The following KLRG1 variants were observed in gnomAD, a reference collection of about 807,000 sequenced individuals.
KLRG1 encodes the protein killer cell lectin-like receptor subfamily G member 1.
A neutral mutation model predicts 21.8 loss-of-function variants in KLRG1; 16 were observed. That is an observed-to-expected ratio of 0.73 (90% CI 0.50 to 1.11). The LOEUF (loss-of-function observed/expected upper bound fraction) is 1.11, where lower values mean the gene tolerates loss of function less well. Among genes scored for constraint, KLRG1 ranks in the 50% most tolerant of loss-of-function variants. The probability of loss-of-function intolerance (pLI) is 0.00; values close to 1 mark genes in which losing one functional copy is unlikely to be tolerated. For synonymous variants in KLRG1, 69 were observed against 75.9 expected (o/e 0.91, Z 0.47); for missense variants, 173 against 218.3 (o/e 0.79, Z 1.31).
intron 1 of KLRG1, among the ~76,000 whole-genome samples, chr12:8,968,509 A>C (rs551391597): frequency 2.0e-5 from 3 of 152,210 alleles, no homozygotes; most frequent in Non-Finnish European, 4.4e-5. Flanking sequence ...AGGAAAAGAC[A>C]GGTCCATAAT....
At chr12:9,181,066 C>G in the KLRG1 span, 1 of 1,614,034 alleles carries the variant, frequency 6.2e-7, no homozygotes, top group African/African-American at 1.3e-5. Flanking sequence ...GACTGCGGAG[C>G]AGCTGCTACT....
chr12:8,950,994 G>A (rs939758311), intron 1 of KLRG1, among the ~76,000 whole-genome samples: 1 of 151,324 alleles, frequency 6.6e-6, no homozygotes, highest in African/African-American at 2.4e-5. Flanking sequence ...ATTCAGTTCA[G>A]GCTAGGTAGT....
chr12:9,153,416 G>A, the KLRG1 span: 3 of 1,298,394 alleles, frequency 2.3e-6, no homozygotes, highest in African/African-American at 1.5e-5. Context: ...CAAAGTCTGT[G>A]TTAGCCTACC....
chr12:9,129,448 G>A, the KLRG1 span, among the ~76,000 whole-genome samples: 2 of 151,896 alleles, frequency 1.3e-5, no homozygotes, highest in African/African-American at 4.8e-5. Flanking sequence ...AAATATATAA[G>A]TATGAAGAAA....
intron 3 of KLRG1, among the ~76,000 whole-genome samples, chr12:9,000,981 C>G (rs1340857861): frequency 6.6e-6 from 1 of 152,170 alleles, no homozygotes; most frequent in African/African-American, 2.4e-5. Context: ...AATTTGTAAC[C>G]TGTCAGATTT....
chr12:9,154,674 T>C, the KLRG1 span: 3 of 1,614,082 alleles, frequency 1.9e-6, no homozygotes, highest in Non-Finnish European at 2.5e-6. Context: ...CTTCACAATG[T>C]TAGTTGCAGA....
chr12:9,004,911 G>T (rs748907743), intron 3 of KLRG1, among the ~76,000 whole-genome samples: 1 of 151,872 alleles, frequency 6.6e-6, no homozygotes, highest in Non-Finnish European at 1.5e-5. Context: ...ATTTAGTTTT[G>T]TTATTAACAT....
the KLRG1 span, chr12:9,163,930 G>A: frequency 4.8e-6 from 6 of 1,260,030 alleles, no homozygotes; most frequent in Non-Finnish European, 6.5e-6. Flanking sequence ...TGTATACTAA[G>A]TAGCCAATGT....
At chr12:9,166,092 A>C in the KLRG1 span, 20 of 1,611,414 alleles carry the variant, frequency 1.2e-5, no homozygotes, top group African/African-American at 1.6e-4. Flanking sequence ...TCAGGAAAAT[A>C]GCTTCGCACC....
At chr12:9,079,438 G>A in the KLRG1 span, 2 of 1,264,606 alleles carry the variant, frequency 1.6e-6, no homozygotes, top group Non-Finnish European at 2.3e-6. Context: ...CTTAAATTTT[G>A]TTGTCATAGA....
At chr12:9,200,695 T>G in the KLRG1 span, among the ~76,000 whole-genome samples, 1 of 152,202 alleles carries the variant, frequency 6.6e-6, no homozygotes, top group East Asian at 1.9e-4. Flanking sequence ...GTTTCATACT[T>G]GGCAAAGCGT....
chr12:9,198,411 A>G, the KLRG1 span, among the ~76,000 whole-genome samples: 1 of 152,178 alleles, frequency 6.6e-6, no homozygotes, highest in African/African-American at 2.4e-5. Context: ...TTGTTTTAAT[A>G]ATATCAAAGC....
At chr12:9,101,568 A>C in the KLRG1 span, 2 of 1,613,894 alleles carry the variant, frequency 1.2e-6, no homozygotes, top group African/African-American at 2.7e-5. Context: ...AAGGTGGACA[A>C]AGCTCTTGCT....
the KLRG1 span, chr12:9,027,619 C>A: frequency 2.6e-3 from 2,231 of 870,806 alleles, 56 homozygotes; most frequent in South Asian, 0.028. Flanking sequence ...TGGCCTCCAC[C>A]ACCACAGGGG....
chr12:9,100,138 A>G, the KLRG1 span, among the ~76,000 whole-genome samples: 1 of 152,212 alleles, frequency 6.6e-6, no homozygotes, highest in East Asian at 1.9e-4. Flanking sequence ...ATATTTGCTC[A>G]TGGCAAGAGT....
the KLRG1 span, among the ~76,000 whole-genome samples, chr12:9,138,627 C>T: frequency 6.6e-6 from 1 of 151,908 alleles, no homozygotes; most frequent in Non-Finnish European, 1.5e-5. Context: ...CTATCTGATC[C>T]TGGGTTTTTA....
the KLRG1 span, among the ~76,000 whole-genome samples, chr12:9,084,449 G>A: frequency 6.6e-6 from 1 of 152,126 alleles, no homozygotes; most frequent in Admixed American, 6.5e-5. Flanking sequence ...AAATGTGTGT[G>A]GGGGAGTGAA....
chr12:8,992,606 C>T (rs975535207), intron 2 of KLRG1, among the ~76,000 whole-genome samples: 3 of 152,208 alleles, frequency 2.0e-5, no homozygotes, highest in Non-Finnish European at 2.9e-5. Context: ...CTCACTGCAG[C>T]CTTGACCTCC....
chr12:9,175,156 G>A, the KLRG1 span, among the ~76,000 whole-genome samples: 12 of 152,164 alleles, frequency 7.9e-5, no homozygotes, highest in African/African-American at 1.7e-4. Flanking sequence ...AGATAAAACC[G>A]CAAACCTACA....
Sources: allele counts gnomAD v4.1 joint callset (sites outside exome capture counted in the v4.1 genomes callset), GRCh38; gene constraint gnomAD v4.1.1; transcripts MANE v1.5; gene names NCBI Gene and HGNC (gene_info 2026-07-23, HGNC 2026-07-21).